Variants in SORL1 observed in about 807,000 individuals in gnomAD.
The protein encoded by SORL1 is sortilin related receptor 1.
In SORL1, 127 loss-of-function variants were observed where a neutral mutation model predicts 273.7. That is an observed-to-expected ratio of 0.46 (90% CI 0.40 to 0.54). The LOEUF (loss-of-function observed/expected upper bound fraction) is 0.54. SORL1 is among the 20% of genes least tolerant of loss of function. SORL1 has a pLI of 0.00. For missense variants in SORL1, 2,494 were observed against 2,846.1 expected, an observed-to-expected ratio of 0.88 and a Z score of 2.81; for synonymous variants, 1,031 against 1,067.4, an observed-to-expected ratio of 0.97 and a Z score of 0.66.
At chr11:121,579,623 G>A (rs59260691) in intron 25 of SORL1, among the ~76,000 whole-genome samples, 4,227 of 152,062 alleles carry the variant, frequency 0.028, 163 homozygotes, top group East Asian at 0.21. Context: ...GATATATGGG[G>A]ACTTTAGAAT....
At position 121,478,243 on chromosome 11, in the gene SORL1, G is replaced by A. The variant is rs758488780; in HGVS notation, c.528G>A (p.Arg176=). Residue 176 remains arginine, a splice_region_variant and synonymous_variant, in exon 3 of 48, where the codon CGG becomes CGA. Coordinates refer to ENST00000260197, the MANE Select transcript of SORL1 (RefSeq NM_003105.6). The stretch of plus-strand genomic sequence containing the variant: ...ACCACAGCCCTGCGGACAACAAGCG[G>A]GTAAGGAAGTGGCCATCCCTCCTGT... The part of the protein sequence containing the change: ...QFYHSPADNK[R]YIFADAYAQY... The A allele has an allele frequency of 6.2e-7, 1 of 1,613,824 alleles. No individual in the cohort carries two copies. The highest frequency in any genetic ancestry group is 8.5e-7 in the Non-Finnish European group (1 of 1,179,922).
chr11:121,607,596 C>A (rs1190264213), intron 37 of SORL1, among the ~76,000 whole-genome samples: 11 of 152,194 alleles, frequency 7.2e-5, no homozygotes, highest in African/African-American at 2.7e-4. Context: ...TCAGCTCTTT[C>A]CTGCTTATCT....
At chr11:121,580,951 C>T (rs1475132390) in intron 25 of SORL1, among the ~76,000 whole-genome samples, 1 of 146,192 alleles carries the variant, frequency 6.8e-6, no homozygotes, top group Non-Finnish European at 1.5e-5. Context: ...GGGTCTCTGT[C>T]GCCCAGGCTA....
At chr11:121,538,686 T>C (rs900313151) in intron 12 of SORL1, among the ~76,000 whole-genome samples, 2 of 152,150 alleles carry the variant, frequency 1.3e-5, no homozygotes, top group African/African-American at 4.8e-5. Context: ...TTGGCATTTA[T>C]TTATTTTTTT....
In SORL1 at chr11:121,452,367, C is replaced by A; in HGVS notation, c.36C>A (p.Leu12=). 1 of 1,554,780 alleles carries A rather than the reference C, an allele frequency of 6.4e-7. No homozygotes were observed. The highest frequency in any genetic ancestry group is 2.6e-5 in the East Asian group (1 of 38,612). ...GGAGCAGCAGGAGGGAGTCGCGACT[C>A]CCGTTCCTATTCACCCTGGTCGCAC... ...ATRSSRRESR[L]PFLFTLVALL... Residue 12 remains leucine, a synonymous_variant, in exon 1 of 48, where the codon CTC becomes CTA. Transcript: ENST00000260197. The surrounding 1 kb of genome is among the most constrained non-coding windows in gnomAD (Gnocchi z 5.3).
chr11:121,592,942 G>A (rs1327828753), intron 31 of SORL1, among the ~76,000 whole-genome samples: 4 of 152,196 alleles, frequency 2.6e-5, no homozygotes, highest in African/African-American at 9.6e-5. Flanking sequence ...TTCAGCTTTT[G>A]TACTTTCTTT....
At chr11:121,528,116 A>G (rs183807507) in intron 11 of SORL1, among the ~76,000 whole-genome samples, 80 of 152,286 alleles carry the variant, frequency 5.3e-4, no homozygotes, top group African/African-American at 1.9e-3. Flanking sequence ...TATATGCCAC[A>G]TATTTAGATA....
intron 21 of SORL1, among the ~76,000 whole-genome samples, chr11:121,559,978 T>C (rs1862647224): frequency 6.6e-6 from 1 of 152,166 alleles, no homozygotes; most frequent in African/African-American, 2.4e-5. Flanking sequence ...GCTTAATCCC[T>C]GTTTGGCATG....
chr11:121,514,052 T>G, intron 7 of SORL1, 100 bp from the exon 8 acceptor site: 2 of 1,329,594 alleles, frequency 1.5e-6, no homozygotes, highest in Non-Finnish European at 2.1e-6. Flanking sequence ...CCAACATTCA[T>G]CGCTAGAACA....
At chr11:121,525,958 G>A (rs917931452) in intron 11 of SORL1, among the ~76,000 whole-genome samples, 1 of 152,200 alleles carries the variant, frequency 6.6e-6, no homozygotes, top group Non-Finnish European at 1.5e-5. Context: ...AGCCCTGGTG[G>A]TTGAAGGTGT....
chr11:121,477,877 A>C (rs1216253636), intron 2 of SORL1, among the ~76,000 whole-genome samples: 5 of 151,968 alleles, frequency 3.3e-5, no homozygotes, highest in Admixed American at 6.6e-5. Context: ...AAAATACAAA[A>C]AAAAATTAGC....
chr11:121,512,474 G>A (rs919339082), intron 6 of SORL1, among the ~76,000 whole-genome samples: 3 of 152,228 alleles, frequency 2.0e-5, no homozygotes, highest in Non-Finnish European at 4.4e-5. Context: ...ATTATTCAGA[G>A]ATGGAAAACC....
intron 8 of SORL1, among the ~76,000 whole-genome samples, chr11:121,520,383 T>C (rs1862021611): frequency 6.6e-6 from 1 of 152,208 alleles, no homozygotes; most frequent in East Asian, 1.9e-4. Context: ...ATATGAAATG[T>C]CTAGATAGGC....
At chr11:121,474,805 G>A (rs1053157895) in intron 2 of SORL1, among the ~76,000 whole-genome samples, 13 of 152,368 alleles carry the variant, frequency 8.5e-5, no homozygotes, top group Non-Finnish European at 1.8e-4. Flanking sequence ...AAAGGAAAGC[G>A]CAAGTCGGGG....
chr11:121,548,037 C>CGTAT (rs1266644198), intron 14 of SORL1, among the ~76,000 whole-genome samples: 1 of 152,196 alleles, frequency 6.6e-6, no homozygotes, highest in African/African-American at 2.4e-5. Context: ...ATTGCCAAGT[C>CGTAT]ATACAGCTTT....
At chr11:121,524,525 G>C (rs930338806) in intron 11 of SORL1, among the ~76,000 whole-genome samples, 1 of 152,232 alleles carries the variant, frequency 6.6e-6, no homozygotes, top group Non-Finnish European at 1.5e-5. Context: ...GTGGGCATCT[G>C]AGTCCCCATG....
intron 1 of SORL1, among the ~76,000 whole-genome samples, chr11:121,459,163 G>A (rs1860951911): frequency 6.6e-6 from 1 of 152,226 alleles, no homozygotes. Flanking sequence ...CATTGAGCAG[G>A]TGAAATGTGG....
At chr11:121,484,835 CCT>C (rs2134805711) in intron 3 of SORL1, among the ~76,000 whole-genome samples, 1 of 152,220 alleles carries the variant, frequency 6.6e-6, no homozygotes, top group South Asian at 2.1e-4. Context: ...CTCATTGCAA[CCT>C]CTGTCTCCCA....
chr11:121,567,459 G>T (rs368286398), intron 22 of SORL1, among the ~76,000 whole-genome samples: 3 of 152,092 alleles, frequency 2.0e-5, no homozygotes, highest in African/African-American at 7.2e-5. Context: ...TCACATCCAG[G>T]TTTCTTACCT....
Sources: allele counts gnomAD v4.1 joint callset (sites outside exome capture counted in the v4.1 genomes callset), GRCh38; gene constraint gnomAD v4.1.1; non-coding constraint Gnocchi (gnomAD v3.1); transcripts MANE v1.5; gene names NCBI Gene and HGNC (gene_info 2026-07-23, HGNC 2026-07-21).